KLHL1: variants seen among roughly 807,000 people sequenced by gnomAD.
The protein encoded by KLHL1 is kelch-like protein 1.
KLHL1 carries 47 observed loss-of-function variants against 77.7 expected under a neutral mutation model. The observed-to-expected ratio is 0.60, with a 90% CI of 0.48 to 0.77. The LOEUF (loss-of-function observed/expected upper bound fraction) is 0.77. Among genes scored for constraint, KLHL1 ranks in the 30% least tolerant of loss-of-function variants. The probability of loss-of-function intolerance (pLI) is 0.00; values close to 1 mark genes in which losing one functional copy is unlikely to be tolerated. For synonymous variants in KLHL1, 360 were observed against 325.2 expected, an observed-to-expected ratio of 1.11 and a Z score of -1.15; for missense variants, 925 against 910.8, an observed-to-expected ratio of 1.02 and a Z score of -0.20.
At chr13:69,851,581 C>T (rs528143005) in intron 5 of KLHL1, among the ~76,000 whole-genome samples, 21 of 151,906 alleles carry the variant, frequency 1.4e-4, no homozygotes, top group African/African-American at 4.3e-4. Context: ...GCATTTGATA[C>T]ATATTTTTGA....
chr13:70,101,743 T>C (rs1887928144), intron 1 of KLHL1, among the ~76,000 whole-genome samples: 1 of 152,132 alleles, frequency 6.6e-6, no homozygotes, highest in African/African-American at 2.4e-5. Context: ...GCCCTATTTC[T>C]TACGATTGTT....
intron 6 of KLHL1, among the ~76,000 whole-genome samples, chr13:69,804,140 ATAT>A (rs1877511158): frequency 6.6e-6 from 1 of 152,210 alleles, no homozygotes; most frequent in South Asian, 2.1e-4. Context: ...TAACCAGAAG[ATAT>A]TATATATAAT....
intron 2 of KLHL1, 82 bp from the exon 3 acceptor site, chr13:69,961,526 C>A: frequency 7.1e-7 from 1 of 1,399,830 alleles, no homozygotes; most frequent in Non-Finnish European, 1.0e-6. Context: ...ACACAGAGCA[C>A]AAAATCAATC....
chr13:69,861,785 TAA>T (rs34408474), intron 5 of KLHL1, among the ~76,000 whole-genome samples: 1 of 86,016 alleles, frequency 1.2e-5, no homozygotes. Flanking sequence ...CCGTCTCTAC[TAA>T]AAAAAAAAAA....
At chr13:69,785,817 A>G (rs562487584) in intron 7 of KLHL1, among the ~76,000 whole-genome samples, 5 of 152,336 alleles carry the variant, frequency 3.3e-5, no homozygotes, top group Non-Finnish European at 5.9e-5. Flanking sequence ...AAAAATGATA[A>G]AGGGGATATC....
At chr13:70,020,472 T>C (rs539138187) in intron 1 of KLHL1, among the ~76,000 whole-genome samples, 9 of 152,304 alleles carry the variant, frequency 5.9e-5, no homozygotes, top group Non-Finnish European at 8.8e-5. Flanking sequence ...TCGTCCTCTT[T>C]TCTCTGCCTT....
chr13:69,882,271 A>G lies in KLHL1; in HGVS notation c.1227+12T>C, dbSNP rs200438280. On this transcript the variant is annotated intron_variant, in intron 5 of 10. Coordinates refer to ENST00000377844, the MANE Select transcript of KLHL1 (RefSeq NM_020866.3). ...ACATTGAATCTATTTAAACAGCGTC[A>G]CACATCATTACCTGTGGTGGAAGCA... The G allele has an allele frequency of 5.7e-6, 9 of 1,579,498 alleles. No individual in the cohort carries two copies. The highest frequency in any genetic ancestry group is 7.8e-6 in the Non-Finnish European group (9 of 1,148,648).
At chr13:69,877,829 C>T (rs1050281815) in intron 5 of KLHL1, among the ~76,000 whole-genome samples, 1 of 152,116 alleles carries the variant, frequency 6.6e-6, no homozygotes, top group Admixed American at 6.5e-5. Context: ...ATCTGAAATC[C>T]ATATCCTCTG....
At chr13:69,802,239 G>C (rs1877417126) in intron 6 of KLHL1, among the ~76,000 whole-genome samples, 1 of 152,046 alleles carries the variant, frequency 6.6e-6, no homozygotes, top group African/African-American at 2.4e-5. Flanking sequence ...GTGTATATGT[G>C]CCCCATTTTC....
intron 1 of KLHL1, among the ~76,000 whole-genome samples, chr13:70,084,560 G>T (rs1277868481): frequency 8.0e-6 from 1 of 124,634 alleles, no homozygotes; most frequent in Non-Finnish European, 1.6e-5. Context: ...CCGGGTTCAC[G>T]CCATTTTCCT....
At chr13:69,841,442 A>AAAT (rs138402941) in intron 5 of KLHL1, among the ~76,000 whole-genome samples, 2,582 of 151,914 alleles carry the variant, frequency 0.017, 76 homozygotes, top group African/African-American at 0.058. Context: ...AGAAAAAAAA[A>AAAT]CAAGTAGTCC....
At position 69,955,555 on chromosome 13, in the gene KLHL1, C is replaced by A. The variant is rs557649940; in HGVS notation, c.817+5753G>T. Among the ~76,000 whole-genome samples, 6 of 151,220 alleles carry A rather than the reference C, an allele frequency of 4.0e-5. No individual in the cohort carries two copies. The South Asian group carries it at 1.0e-3, about 26-fold the overall frequency. On this transcript the variant is annotated intron_variant, in intron 3 of 10. Transcript: ENST00000377844. ...TTTGTTAGTAACTCTGCAATTCCAT[C>A]TCCCATATTTGTTAGAACTCTATTT...
chr13:69,909,102 T>A (rs527351240), intron 4 of KLHL1, among the ~76,000 whole-genome samples: 26 of 149,916 alleles, frequency 1.7e-4, no homozygotes, highest in African/African-American at 5.8e-4. Context: ...TATATATATA[T>A]CCTATTATAT....
At chr13:69,976,272 A>C (rs1226673025) in intron 1 of KLHL1, among the ~76,000 whole-genome samples, 2 of 152,050 alleles carry the variant, frequency 1.3e-5, no homozygotes, top group Non-Finnish European at 2.9e-5. Flanking sequence ...AAAAATATAA[A>C]ACCTGGTTTT....
chr13:69,991,883 A>C (rs1885037928), intron 1 of KLHL1, among the ~76,000 whole-genome samples: 1 of 152,036 alleles, frequency 6.6e-6, no homozygotes, highest in Non-Finnish European at 1.5e-5. Flanking sequence ...TTATATATGA[A>C]TTATTTTAAA....
chr13:69,723,839 A>ATTT (rs1873172439), intron 8 of KLHL1, among the ~76,000 whole-genome samples: 1 of 44,980 alleles, frequency 2.2e-5, no homozygotes, highest in Non-Finnish European at 5.2e-5. Flanking sequence ...TGCCAGTCAG[A>ATTT]ATTTTTTTTT....
chr13:70,083,330 GTTC>G (rs1286198484), intron 1 of KLHL1, among the ~76,000 whole-genome samples: 1 of 152,144 alleles, frequency 6.6e-6, no homozygotes, highest in Non-Finnish European at 1.5e-5. Context: ...TCAAATGCAT[GTTC>G]TTATTTCTTT....
At chr13:70,033,567 A>G (rs1296723124) in intron 1 of KLHL1, among the ~76,000 whole-genome samples, 4 of 145,078 alleles carry the variant, frequency 2.8e-5, no homozygotes, top group Non-Finnish European at 6.0e-5. Flanking sequence ...TGGCCTCCCA[A>G]AGTGCTGGGA....
intron 5 of KLHL1, among the ~76,000 whole-genome samples, chr13:69,842,431 A>G (rs1879303361): frequency 1.3e-5 from 2 of 151,904 alleles, no homozygotes; most frequent in African/African-American, 4.8e-5. Flanking sequence ...CCCAACAGGT[A>G]TATGCTAAAA....
Sources: allele counts gnomAD v4.1 joint callset (sites outside exome capture counted in the v4.1 genomes callset), GRCh38; gene constraint gnomAD v4.1.1; transcripts MANE v1.5; gene names NCBI Gene and HGNC (gene_info 2026-07-23, HGNC 2026-07-21).